Variants in RBFOX3 observed in about 807,000 individuals in gnomAD.
RBFOX3 encodes the protein RNA binding fox-1 homolog 3.
In RBFOX3, 17 loss-of-function variants were observed where a neutral mutation model predicts 48.7. The ratio of observed to expected loss-of-function variants is 0.35; its 90% CI spans 0.24 to 0.52. The LOEUF is 0.52. Ranked by LOEUF, RBFOX3 falls within the 20% of genes least tolerant of loss-of-function variation. RBFOX3 has a pLI of 0.94. For synonymous variants in RBFOX3, 212 were observed against 209.5 expected, an observed-to-expected ratio of 1.01 and a Z score of -0.10; for missense variants, 382 against 497.5, an observed-to-expected ratio of 0.77 and a Z score of 2.21.
rs942590240 is a variant in RBFOX3, at chr17:79,115,933, G to C, written c.-33-185C>G. ...AGAGCAGGAGGGGGTGCTGCGCTGG[G>C]AATGCCGGGGAGCCTGGCTCTGGAG... is the stretch of plus-strand genomic sequence containing the variant. On this transcript the variant is annotated intron_variant, in intron 4 of 14. Coordinates refer to ENST00000693108, the MANE Select transcript of RBFOX3 (RefSeq NM_001350451.2). Among the ~76,000 whole-genome samples the C allele has an allele frequency of 2.6e-5, 4 of 152,182 alleles. No individual in the cohort carries two copies. The East Asian group carries it at 7.7e-4, about 29-fold the overall frequency.
At chr17:79,586,696 T>C (rs978517095) in intron 1 of RBFOX3, among the ~76,000 whole-genome samples, 16 of 152,230 alleles carry the variant, frequency 1.1e-4, no homozygotes, top group Non-Finnish European at 7.3e-5. Context: ...ATCAGAAATA[T>C]CAGAAGCTGC....
intron 4 of RBFOX3, among the ~76,000 whole-genome samples, chr17:79,137,653 G>A (rs1157853314): frequency 2.1e-5 from 3 of 141,984 alleles, no homozygotes; most frequent in Non-Finnish European, 3.1e-5. Flanking sequence ...GCCCGGGCAC[G>A]CGGGGAGGGT....
At chr17:79,092,233 C>T (rs1270504409) in intron 14 of RBFOX3, 9 of 985,418 alleles carry the variant, frequency 9.1e-6, no homozygotes, top group Non-Finnish European at 1.1e-5. Context: ...TCATAGGGCG[C>T]TACCGCTACT....
At chr17:79,598,572 C>T (rs1210597306) in intron 1 of RBFOX3, 10 of 152,100 alleles carry the variant, frequency 6.6e-5, no homozygotes, top group Non-Finnish European at 1.5e-4. Flanking sequence ...AGATCCCTAC[C>T]TTCTCCAGCT....
chr17:79,259,864 G>T (rs1017577855), intron 3 of RBFOX3, among the ~76,000 whole-genome samples: 1 of 152,090 alleles, frequency 6.6e-6, no homozygotes, highest in Non-Finnish European at 1.5e-5. Context: ...CCCTGAAGAG[G>T]CCCGTCTGAG....
intron 1 of RBFOX3, among the ~76,000 whole-genome samples, chr17:79,507,647 G>T (rs1598982784): frequency 6.6e-6 from 1 of 152,142 alleles, no homozygotes; most frequent in East Asian, 1.9e-4. Context: ...GCCACAGCTG[G>T]TACTGCCACT....
intron 1 of RBFOX3, among the ~76,000 whole-genome samples, chr17:79,594,245 CG>C (rs1409139483): frequency 2.0e-5 from 3 of 152,088 alleles, no homozygotes; most frequent in Non-Finnish European, 4.4e-5. Context: ...TGGAAACTTT[CG>C]AGACTGAGGG....
In RBFOX3 at chr17:79,392,112, T is replaced by G. The variant is rs978243621; in HGVS notation, c.-174-84288A>C. Among the ~76,000 whole-genome samples, 23 of 152,176 alleles carry G rather than the reference T, an allele frequency of 1.5e-4. No individual in the cohort carries two copies. The highest frequency in any genetic ancestry group is 2.6e-4 in the Non-Finnish European group (18 of 68,028). ...CTGCGGGACCTTGGGCAAACTCTTT[T>G]AGCCTCAGCACCTTCCTCTGTGAAA... On this transcript the variant is annotated intron_variant, in intron 2 of 14. Coordinates refer to ENST00000693108, the MANE Select transcript of RBFOX3 (RefSeq NM_001350451.2). This position sits in a 1 kb window ranked among gnomAD's most constrained non-coding sequence, Gnocchi z 5.0.
intron 1 of RBFOX3, among the ~76,000 whole-genome samples, chr17:79,602,434 C>T (rs962029586): frequency 2.6e-5 from 4 of 152,332 alleles, no homozygotes; most frequent in African/African-American, 7.2e-5. Context: ...AGCACCCCTG[C>T]GAGGAACACA....
At chr17:79,563,996 G>A (rs1360214389) in intron 1 of RBFOX3, among the ~76,000 whole-genome samples, 1 of 152,194 alleles carries the variant, frequency 6.6e-6, no homozygotes, top group Non-Finnish European at 1.5e-5. Context: ...ATGCCAGGCT[G>A]AGTACCCTGC....
At chr17:79,225,034 G>A (rs889189915) in intron 4 of RBFOX3, among the ~76,000 whole-genome samples, 2 of 152,196 alleles carry the variant, frequency 1.3e-5, no homozygotes, top group Non-Finnish European at 2.9e-5. Flanking sequence ...CCAGCCTTGT[G>A]GCGCACCATT....
intron 1 of RBFOX3, among the ~76,000 whole-genome samples, chr17:79,501,448 A>C (rs1309721791): frequency 3.3e-5 from 5 of 152,194 alleles, no homozygotes; most frequent in African/African-American, 4.8e-5. Flanking sequence ...AGCTCCAGGA[A>C]ACCTGAGTCA....
At position 79,311,434 on chromosome 17, in the gene RBFOX3, CAAAAAAAAAAAA is replaced by C. The variant is rs35265527; in HGVS notation, c.-174-3622_-174-3611del. Among the ~76,000 whole-genome samples the C allele has an allele frequency of 9.7e-6, 1 of 102,580 alleles. No homozygotes were observed. Among genetic ancestry groups the C allele is most frequent in the Admixed American group, 1.1e-4 (1 of 9,332 alleles). The allele number at this position is 102,580 out of a possible 152,430, so 67.3% of individuals were successfully genotyped here. Reference sequence around the variant, plus strand: ...GGTAAGAAGAGCGAGACTCCATCTCCAAAAAAAAAAAAAAAAAAAACAGACTGCAGCACCAAT... The same window carrying C: ...GGTAAGAAGAGCGAGACTCCATCTCCAAAAAAAACAGACTGCAGCACCAAT... On this transcript the variant is annotated intron_variant, in intron 2 of 14. Transcript: ENST00000693108. This position sits in a 1 kb window ranked among gnomAD's most constrained non-coding sequence, Gnocchi z 4.2.
chr17:79,114,735 C>A (rs1391647180), intron 5 of RBFOX3, among the ~76,000 whole-genome samples: 1 of 152,174 alleles, frequency 6.6e-6, no homozygotes, highest in South Asian at 2.1e-4. Context: ...GTTGGATGAA[C>A]CTGGAGCCCC....
chr17:79,417,583 G>C (rs782584796), intron 2 of RBFOX3, among the ~76,000 whole-genome samples: 9 of 152,232 alleles, frequency 5.9e-5, no homozygotes, highest in Non-Finnish European at 1.2e-4. Flanking sequence ...AGGCATTGGC[G>C]AGGGTGTGGG....
At chr17:79,259,355 G>C (rs1271849349) in intron 3 of RBFOX3, among the ~76,000 whole-genome samples, 1 of 152,230 alleles carries the variant, frequency 6.6e-6, no homozygotes, top group Non-Finnish European at 1.5e-5. Context: ...TGTGGCAAGA[G>C]GGTGTGTTCT....
At chr17:79,213,519 C>A (rs1251092111) in intron 4 of RBFOX3, among the ~76,000 whole-genome samples, 1 of 152,220 alleles carries the variant, frequency 6.6e-6, no homozygotes, top group Non-Finnish European at 1.5e-5. Context: ...GGCCTCCCAC[C>A]CCGCCAACCA....
At chr17:79,424,736 G>T (rs1315700491) in intron 2 of RBFOX3, among the ~76,000 whole-genome samples, 1 of 152,176 alleles carries the variant, frequency 6.6e-6, no homozygotes, top group African/African-American at 2.4e-5. Context: ...CCGGGCCGGA[G>T]CTCCAGCTGC....
In RBFOX3 at chr17:79,212,415, C is replaced by G. The variant is rs72846063; in HGVS notation, c.-34+23351G>C. 6.6e-6 allele frequency among the ~76,000 whole-genome samples: 1 copy of G among 152,076 alleles called. No homozygotes were observed. On this transcript the variant is annotated intron_variant, in intron 4 of 14. Coordinates refer to ENST00000693108, the MANE Select transcript of RBFOX3 (RefSeq NM_001350451.2). This position sits in a 1 kb window ranked among gnomAD's most constrained non-coding sequence, Gnocchi z 4.7. Reference sequence around the variant, plus strand: ...TTCCCTCCTGCAGCCGGGCTCCTGGCGCTGCCCGTTCCCAATTTCTCCTTC... The same window carrying G: ...TTCCCTCCTGCAGCCGGGCTCCTGGGGCTGCCCGTTCCCAATTTCTCCTTC...
Sources: gnomAD v4.1 joint callset for allele counts (sites outside exome capture counted in the v4.1 genomes callset) on GRCh38, gnomAD v4.1.1 for gene constraint, Gnocchi (gnomAD v3.1) non-coding constraint, MANE v1.5 for transcripts, NCBI Gene and HGNC (gene_info 2026-07-23, HGNC 2026-07-21) for gene names.